The following RAD51B variants were observed in gnomAD, a reference collection of about 807,000 sequenced individuals.
The protein encoded by RAD51B is RAD51 paralog B, also known as DNA repair protein RAD51 homolog 2.
Under a neutral mutation model 42.2 loss-of-function variants are expected in RAD51B, and 38 were observed. That is an observed-to-expected ratio of 0.90 (90% CI 0.70 to 1.18). RAD51B has a LOEUF of 1.18. Among genes scored for constraint, RAD51B ranks in the 50% most tolerant of loss-of-function variants. RAD51B has a pLI of 0.00. For synonymous variants in RAD51B, 154 were observed against 145.2 expected (o/e 1.06, Z -0.43); for missense variants, 373 against 400.7 (o/e 0.93, Z 0.59).
At chr14:67,884,149 A>AT (rs1046688411) in intron 5 of RAD51B, among the ~76,000 whole-genome samples, 1 of 152,226 alleles carries the variant, frequency 6.6e-6, no homozygotes, top group African/African-American at 2.4e-5. Context: ...GAGAAACAAA[A>AT]TTACAGCATA....
intron 7 of RAD51B, among the ~76,000 whole-genome samples, chr14:68,130,906 G>A (rs1288419605): frequency 6.6e-6 from 1 of 152,104 alleles, no homozygotes; most frequent in Non-Finnish European, 1.5e-5. Context: ...GTGTGTGTGT[G>A]TGTCTTTTAT....
At chr14:68,184,853 A>G (rs897122229) in intron 7 of RAD51B, among the ~76,000 whole-genome samples, 8 of 152,224 alleles carry the variant, frequency 5.3e-5, no homozygotes, top group African/African-American at 1.4e-4. Context: ...AGACAGATTA[A>G]TAAGAAGGAA....
intron 8 of RAD51B, among the ~76,000 whole-genome samples, chr14:68,374,934 G>A (rs1054404667): frequency 2.6e-5 from 4 of 151,242 alleles, no homozygotes; most frequent in African/African-American, 4.9e-5. Flanking sequence ...GATTATGCCC[G>A]TATCTGATGA....
At chr14:68,544,546 G>T (rs1459231553) in intron 10 of RAD51B, among the ~76,000 whole-genome samples, 1 of 152,212 alleles carries the variant, frequency 6.6e-6, no homozygotes, top group Non-Finnish European at 1.5e-5. Context: ...CACTGAACCA[G>T]AGTGAATAAA....
At chr14:67,878,911 G>T (rs140720548) in intron 5 of RAD51B, among the ~76,000 whole-genome samples, 1 of 152,014 alleles carries the variant, frequency 6.6e-6, no homozygotes, top group Admixed American at 6.6e-5. Flanking sequence ...ACGGGGTTTC[G>T]CCATGTTGGC....
chr14:68,353,741 G>C (rs1460813524), intron 8 of RAD51B, among the ~76,000 whole-genome samples: 1 of 152,204 alleles, frequency 6.6e-6, no homozygotes, highest in Non-Finnish European at 1.5e-5. Context: ...TGTCGCAGCA[G>C]GGGGAAAGGA....
At chr14:68,372,014 C>A (rs1048746678) in intron 8 of RAD51B, among the ~76,000 whole-genome samples, 2 of 152,134 alleles carry the variant, frequency 1.3e-5, no homozygotes, top group Non-Finnish European at 2.9e-5. Flanking sequence ...AGAAGAGAAA[C>A]CTGCAAAGGA....
At chr14:68,384,270 T>C (rs929935813) in intron 8 of RAD51B, among the ~76,000 whole-genome samples, 1 of 152,226 alleles carries the variant, frequency 6.6e-6, no homozygotes, top group African/African-American at 2.4e-5. Context: ...CTTATTTTCT[T>C]CCGGAAAATC....
chr14:68,048,784 G>A (rs1043844227), intron 7 of RAD51B, among the ~76,000 whole-genome samples: 1 of 152,308 alleles, frequency 6.6e-6, no homozygotes, highest in East Asian at 1.9e-4. Context: ...TTCAACCATT[G>A]TGGAAGTTGG....
chr14:68,590,326 C>T (rs892829525), intron 10 of RAD51B, among the ~76,000 whole-genome samples: 6 of 152,182 alleles, frequency 3.9e-5, no homozygotes, highest in African/African-American at 1.4e-4. Flanking sequence ...GCCAAGTTGA[C>T]AGCTGTTAAA....
At chr14:68,592,253 A>G (rs1172001290) in intron 10 of RAD51B, among the ~76,000 whole-genome samples, 2 of 139,956 alleles carry the variant, frequency 1.4e-5, no homozygotes, top group African/African-American at 5.8e-5. Context: ...GTAGGCAATG[A>G]TGTGTGTGTG....
chr14:68,467,329 T>TG (rs1267308806), intron 9 of RAD51B, among the ~76,000 whole-genome samples: 3 of 152,246 alleles, frequency 2.0e-5, no homozygotes, highest in African/African-American at 7.2e-5. Flanking sequence ...AGTTAACTCT[T>TG]GCTGCACGCA....
In RAD51B at chr14:68,441,405, G is replaced by A. The variant is rs1003917968; in HGVS notation, c.958-26767G>A. Among the ~76,000 whole-genome samples, 10 of 143,230 alleles carry A rather than the reference G, an allele frequency of 7.0e-5. 1 individual carries two copies. The highest frequency in any genetic ancestry group is 1.0e-4 in the African/African-American group (4 of 39,494). The allele number at this position is 143,230 out of a possible 152,430, so 94.0% of individuals were successfully genotyped here. ...AAAAAACAAAAAATTAGCCGGGCGC[G>A]GTGGCAGGCACCTGTAGTCCCAGCT... On this transcript the variant is annotated intron_variant, in intron 9 of 10. Coordinates refer to ENST00000471583, the MANE Select transcript of RAD51B (RefSeq NM_133510.4).
chr14:68,330,226 A>G (rs17828120), intron 8 of RAD51B, among the ~76,000 whole-genome samples: 3,022 of 152,328 alleles, frequency 0.02, 52 homozygotes, highest in Middle Eastern at 0.037. Flanking sequence ...GATTAAAAGC[A>G]TGGAAAATCA....
intron 1 of RAD51B, among the ~76,000 whole-genome samples, chr14:67,820,121 G>C (rs115679825): frequency 0.01 from 1,580 of 152,158 alleles, 36 homozygotes; most frequent in African/African-American, 0.037. Context: ...TGATGTTTCC[G>C]CCTGTTGCTG....
At chr14:68,249,192 C>T (rs962275205) in intron 7 of RAD51B, among the ~76,000 whole-genome samples, 1 of 152,174 alleles carries the variant, frequency 6.6e-6, no homozygotes, top group Non-Finnish European at 1.5e-5. Context: ...GTGTCTGCTA[C>T]CCTGGATGCC....
At chr14:68,657,402 AC>A (rs1892838928) in intron 11 of RAD51B, among the ~76,000 whole-genome samples, 1 of 152,106 alleles carries the variant, frequency 6.6e-6, no homozygotes, top group African/African-American at 2.4e-5. Flanking sequence ...ACTGGTCTCG[AC>A]CTCCAGGCTT....
intron 9 of RAD51B, among the ~76,000 whole-genome samples, chr14:68,439,214 T>G (rs2085223745): frequency 1.3e-5 from 2 of 151,742 alleles, no homozygotes; most frequent in Admixed American, 1.3e-4. Context: ...TCCTCTGCCT[T>G]GCTTCCAGTG....
At chr14:67,891,022 G>T (rs1026471415) in intron 7 of RAD51B, among the ~76,000 whole-genome samples, 4 of 152,074 alleles carry the variant, frequency 2.6e-5, no homozygotes, top group Non-Finnish European at 4.4e-5. Context: ...CTTTGGAAAT[G>T]CTTTTTACTG....
Sources: allele counts gnomAD v4.1 joint callset (sites outside exome capture counted in the v4.1 genomes callset), GRCh38; gene constraint gnomAD v4.1.1; transcripts MANE v1.5; gene names NCBI Gene and HGNC (gene_info 2026-07-23, HGNC 2026-07-21).